KCNQ1: variants seen among roughly 807,000 people sequenced by gnomAD.
KCNQ1 encodes potassium voltage-gated channel subfamily KQT member 1.
A neutral mutation model predicts 72.4 loss-of-function variants in KCNQ1; 49 were observed. The ratio of observed to expected loss-of-function variants is 0.68; its 90% CI spans 0.54 to 0.86. The LOEUF is 0.86. KCNQ1 is among the 40% of genes least tolerant of loss of function. The pLI is 0.00. For synonymous variants in KCNQ1, 450 were observed against 412.6 expected (o/e 1.09, Z -1.10); for missense variants, 790 against 945.1 (o/e 0.84, Z 2.15).
intron 15 of KCNQ1, among the ~76,000 whole-genome samples, chr11:2,805,643 C>T (rs914874674): frequency 1.2e-4 from 18 of 152,174 alleles, no homozygotes; most frequent in Non-Finnish European, 1.0e-4. Flanking sequence ...GTGTGACCAA[C>T]GAAGCCAGAA....
In KCNQ1 at chr11:2,526,753, T is replaced by C. The variant is rs1482404868; in HGVS notation, c.387-1175T>C. 6.6e-6 allele frequency among the ~76,000 whole-genome samples: 1 copy of C among 151,942 alleles called. No homozygotes were observed. The highest frequency in any genetic ancestry group is 1.5e-5 in the Non-Finnish European group (1 of 67,958). ...GTGGGGCTGACTTCAGGAGGCTGGA[T>C]GAGAGGCAATGCAGGGGGCCTTCTG... On this transcript the variant is annotated intron_variant, in intron 1 of 15. Coordinates refer to ENST00000155840, the MANE Select transcript of KCNQ1 (RefSeq NM_000218.3). The surrounding 1 kb of genome is among the most constrained non-coding windows in gnomAD (Gnocchi z 6.1).
In KCNQ1 at chr11:2,826,444, G is replaced by A. The variant is rs1847841977; in HGVS notation, c.1795-21323G>A. Among the ~76,000 whole-genome samples the A allele has an allele frequency of 6.6e-6, 1 of 152,248 alleles. No homozygotes were observed. The highest frequency in any genetic ancestry group is 2.1e-4 in the South Asian group (1 of 4,838). ...TGGCAGCGCTGATGGAAACCGCCGT[G>A]CGGTTCCGCGCAGACAGTCACGGAA... On this transcript the variant is annotated intron_variant, in intron 15 of 15. Transcript: ENST00000155840. The surrounding 1 kb of genome is among the most constrained non-coding windows in gnomAD (Gnocchi z 4.2).
chr11:2,845,255 CTG>C (rs890566511), intron 15 of KCNQ1, among the ~76,000 whole-genome samples: 4 of 152,152 alleles, frequency 2.6e-5, no homozygotes, highest in African/African-American at 9.7e-5. Flanking sequence ...ACCTGACACA[CTG>C]TGTCCCCCCA....
At chr11:2,539,051 G>T (rs1055085278) in intron 2 of KCNQ1, among the ~76,000 whole-genome samples, 1 of 152,184 alleles carries the variant, frequency 6.6e-6, no homozygotes, top group African/African-American at 2.4e-5. Flanking sequence ...CAAGGGAGGC[G>T]GTCTCAGCCC....
At chr11:2,461,281 G>T (rs974703710) in intron 1 of KCNQ1, among the ~76,000 whole-genome samples, 2 of 152,254 alleles carry the variant, frequency 1.3e-5, no homozygotes, top group Non-Finnish European at 2.9e-5. Flanking sequence ...TTCAGCCTTG[G>T]AGAGGATGGC....
chr11:2,646,901 A>C (rs1364900024), intron 10 of KCNQ1: 1 of 398,514 alleles, frequency 2.5e-6, no homozygotes, highest in Admixed American at 4.4e-5. Flanking sequence ...TGGAATCTTT[A>C]GGTTTTTCTA....
intron 10 of KCNQ1, among the ~76,000 whole-genome samples, chr11:2,607,531 A>G (rs886163866): frequency 6.6e-6 from 1 of 152,164 alleles, no homozygotes; most frequent in Admixed American, 6.5e-5. Flanking sequence ...TTCTTCCGTC[A>G]TATGAGGACA....
In KCNQ1 at chr11:2,486,808, C is replaced by G. The variant is rs1268742271; in HGVS notation, c.387-41120C>G. ...ACCAGATCTTGCATGAACTCATTAC[C>G]TAATCATGGGGAATCTGCCCCTATG... On this transcript the variant is annotated intron_variant, in intron 1 of 15. Transcript: ENST00000155840. The surrounding 1 kb of genome is among the most constrained non-coding windows in gnomAD (Gnocchi z 5.0). Among the ~76,000 whole-genome samples, 3 of 152,104 alleles carry G rather than the reference C, an allele frequency of 2.0e-5. No individual in the cohort carries two copies. The highest frequency in any genetic ancestry group is 7.2e-5 in the African/African-American group (3 of 41,430).
Position 2,818,127 on chromosome 11 carries a change from C to G in KCNQ1, c.1795-29640C>G, listed in dbSNP as rs1314720661. Among the ~76,000 whole-genome samples the G allele has an allele frequency of 6.6e-6, 1 of 152,180 alleles. No homozygotes were observed. The highest frequency in any genetic ancestry group is 2.4e-5 in the African/African-American group (1 of 41,438). ...CACCCTGAGTTCCACAACATCTAAA[C>G]CCAGTGTCTGCTGGCCCTCAGAGTG... On this transcript the variant is annotated intron_variant, in intron 15 of 15. Transcript: ENST00000155840. The surrounding 1 kb of genome is among the most constrained non-coding windows in gnomAD (Gnocchi z 7.2).
In KCNQ1 at chr11:2,654,106, G is replaced by A. The variant is rs1174391671; in HGVS notation, c.1394-7855G>A. ...TGTCCCTTACTTCTCGCCTCTGAGT[G>A]GAGACACAGGTGGTGGCGGGGCCAC... On this transcript the variant is annotated intron_variant, in intron 10 of 15. Transcript: ENST00000155840. The surrounding 1 kb of genome is among the most constrained non-coding windows in gnomAD (Gnocchi z 6.4). The A allele has an allele frequency of 7.5e-6, 3 of 398,766 alleles. No homozygotes were observed. The East Asian group carries it at 1.1e-4, about 14-fold the overall frequency. 24.7% of individuals were successfully genotyped at this position (398,766 alleles called of 1,614,324 possible).
intron 15 of KCNQ1, among the ~76,000 whole-genome samples, chr11:2,845,413 G>A (rs1431876880): frequency 6.6e-6 from 1 of 152,198 alleles, no homozygotes; most frequent in Non-Finnish European, 1.5e-5. Flanking sequence ...GTGGGCCTCT[G>A]TGGCTCGTCC....
In KCNQ1 at chr11:2,785,370, A is replaced by T. The variant is rs1328769321; in HGVS notation, c.1794+7333A>T. Among the ~76,000 whole-genome samples the T allele has an allele frequency of 6.6e-6, 1 of 151,698 alleles. No homozygotes were observed. The highest frequency in any genetic ancestry group is 1.5e-5 in the Non-Finnish European group (1 of 67,716). On this transcript the variant is annotated intron_variant, in intron 15 of 15. Coordinates refer to ENST00000155840, the MANE Select transcript of KCNQ1 (RefSeq NM_000218.3). The surrounding 1 kb of genome is among the most constrained non-coding windows in gnomAD (Gnocchi z 4.4). ...CATGATATATAATCCTTTTTATATG[A>T]TGCTGGATTTGGTTTGCTAATATTT...
At chr11:2,770,642 T>A (rs1255976269) in intron 12 of KCNQ1, among the ~76,000 whole-genome samples, 2 of 152,224 alleles carry the variant, frequency 1.3e-5, no homozygotes, top group Non-Finnish European at 2.9e-5. Context: ...GCCTGGGACC[T>A]CTTGCAGTCA....
At chr11:2,845,264 C>T (rs576465944) in intron 15 of KCNQ1, among the ~76,000 whole-genome samples, 12 of 152,342 alleles carry the variant, frequency 7.9e-5, no homozygotes, top group African/African-American at 2.9e-4. Flanking sequence ...ACTGTGTCCC[C>T]CCATATGGCA....
chr11:2,722,243 G>C (rs1845678533), intron 11 of KCNQ1, among the ~76,000 whole-genome samples: 1 of 152,164 alleles, frequency 6.6e-6, no homozygotes, highest in South Asian at 2.1e-4. Flanking sequence ...ATCTTACCAG[G>C]TGTTGACAGG....
rs181628430 is a variant in KCNQ1, at chr11:2,658,803, C to T, written c.1394-3158C>T. On this transcript the variant is annotated intron_variant, in intron 10 of 15. Transcript: ENST00000155840. This position sits in a 1 kb window ranked among gnomAD's most constrained non-coding sequence, Gnocchi z 4.9. ...ACCAGAGTTCATCCTTGCCCCCTCC[C>T]CCACAACTTATTTATAGCTTTTTCT... 1.3e-3 allele frequency: 503 copies of T among 398,548 alleles called. 2 individuals are homozygous for T. Among genetic ancestry groups the T allele is most frequent in the Admixed American group, 2.1e-3 (48 of 22,722 alleles). 24.7% of individuals were successfully genotyped at this position (398,548 alleles called of 1,614,324 possible).
Position 2,516,670 on chromosome 11 carries a change from G to A in KCNQ1, c.387-11258G>A, listed in dbSNP as rs1478960191. ...TGGGTTCTCAGCAGGACTCTTTGCC[G>A]GGATCCTCATGCTACGGCCACCACC... On this transcript the variant is annotated intron_variant, in intron 1 of 15. Transcript: ENST00000155840. This position sits in a 1 kb window ranked among gnomAD's most constrained non-coding sequence, Gnocchi z 7.0. Among the ~76,000 whole-genome samples the A allele has an allele frequency of 1.3e-5, 2 of 152,126 alleles. No homozygotes were observed. The highest frequency in any genetic ancestry group is 4.8e-5 in the African/African-American group (2 of 41,422).
chr11:2,666,676 C>A, intron 11 of KCNQ1: 1 of 398,700 alleles, frequency 2.5e-6, no homozygotes, highest in Admixed American at 4.4e-5. Flanking sequence ...ATGGGACCAG[C>A]TTGGCCTGGG....
Position 2,663,207 on chromosome 11 carries a change from G to A in KCNQ1, c.1514+1126G>A, listed in dbSNP as rs1043894729. On this transcript the variant is annotated intron_variant, in intron 11 of 15. Coordinates refer to ENST00000155840, the MANE Select transcript of KCNQ1 (RefSeq NM_000218.3). The surrounding 1 kb of genome is among the most constrained non-coding windows in gnomAD (Gnocchi z 5.2). ...GGCAGTACCTCATGGTGGGTAGGGTGTGAAGAGGCTCCAAGGGAGCCAGCA... is the reference window on the plus strand; with the variant it reads ...GGCAGTACCTCATGGTGGGTAGGGTATGAAGAGGCTCCAAGGGAGCCAGCA... 1.0e-5 allele frequency: 4 copies of A among 398,680 alleles called. No homozygotes were observed. Among genetic ancestry groups the A allele is most frequent in the African/African-American group, 2.1e-5 (1 of 48,642 alleles). The allele number at this position is 398,680 out of a possible 1,614,324, so 24.7% of individuals were successfully genotyped here.
Sources: gnomAD v4.1 joint callset for allele counts (sites outside exome capture counted in the v4.1 genomes callset) on GRCh38, gnomAD v4.1.1 for gene constraint, Gnocchi (gnomAD v3.1) non-coding constraint, MANE v1.5 for transcripts, NCBI Gene and HGNC (gene_info 2026-07-23, HGNC 2026-07-21) for gene names.